Variants in SMYD3 observed in about 807,000 individuals in gnomAD.
SMYD3 encodes SET and MYND domain containing 3.
In SMYD3, 36 loss-of-function variants were observed where a neutral mutation model predicts 57.7. The observed-to-expected ratio is 0.62, with a 90% CI of 0.48 to 0.82. The LOEUF (loss-of-function observed/expected upper bound fraction) is 0.82, where lower values mean the gene tolerates loss of function less well. SMYD3 is among the 40% of genes least tolerant of loss of function. The pLI, the probability that SMYD3 is intolerant of heterozygous loss-of-function variation, is 0.00. For synonymous variants in SMYD3, 211 were observed against 195.0 expected, an observed-to-expected ratio of 1.08 and a Z score of -0.68; for missense variants, 515 against 538.8, an observed-to-expected ratio of 0.96 and a Z score of 0.44.
At chr1:246,506,606 G>A (rs995179470) in intron 1 of SMYD3, among the ~76,000 whole-genome samples, 3 of 152,140 alleles carry the variant, frequency 2.0e-5, no homozygotes, top group Non-Finnish European at 4.4e-5. Context: ...ATGCTTTACC[G>A]GCGGGGCCTC....
At chr1:246,466,612 C>A (rs1558478019) in intron 1 of SMYD3, among the ~76,000 whole-genome samples, 1 of 152,170 alleles carries the variant, frequency 6.6e-6, no homozygotes, top group Non-Finnish European at 1.5e-5. Flanking sequence ...ATAATCTATA[C>A]AACAAACCCA....
intron 1 of SMYD3, among the ~76,000 whole-genome samples, chr1:246,503,186 C>G (rs2068483532): frequency 6.6e-6 from 1 of 152,174 alleles, no homozygotes; most frequent in Admixed American, 6.5e-5. Flanking sequence ...CCTCTGTCCC[C>G]CCGCTGCCCA....
At chr1:246,210,245 C>T (rs888243013) in intron 5 of SMYD3, among the ~76,000 whole-genome samples, 1 of 152,142 alleles carries the variant, frequency 6.6e-6, no homozygotes, top group African/African-American at 2.4e-5. Flanking sequence ...CTCTCCATTA[C>T]ACCACCCTGC....
At chr1:246,249,025 G>A (rs1614456) in intron 5 of SMYD3, among the ~76,000 whole-genome samples, 8,987 of 151,520 alleles carry the variant, frequency 0.059, 436 homozygotes, top group African/African-American at 0.12. Context: ...AACAAGATGC[G>A]AAAACTACAA....
intron 5 of SMYD3, among the ~76,000 whole-genome samples, chr1:246,180,261 C>CTA (rs994975391): frequency 7.5e-6 from 1 of 132,594 alleles, no homozygotes; most frequent in South Asian, 2.4e-4. Flanking sequence ...TAATCTCTCT[C>CTA]TATATATATG....
intron 10 of SMYD3, among the ~76,000 whole-genome samples, chr1:245,810,259 A>G (rs1224168187): frequency 2.6e-5 from 4 of 152,186 alleles, no homozygotes; most frequent in African/African-American, 9.7e-5. Context: ...CACAGAACTC[A>G]GAACTAAGAG....
intron 10 of SMYD3, among the ~76,000 whole-genome samples, chr1:245,767,186 G>A (rs1459301475): frequency 2.0e-5 from 3 of 151,976 alleles, no homozygotes; most frequent in South Asian, 4.2e-4. Context: ...ACAAAAAGAC[G>A]GTCATCTTTT....
At chr1:246,080,209 G>A (rs968435726) in intron 5 of SMYD3, among the ~76,000 whole-genome samples, 1 of 132,704 alleles carries the variant, frequency 7.5e-6, no homozygotes, top group Non-Finnish European at 1.6e-5. Context: ...GTTAGGAACT[G>A]GGTCACACGG....
intron 5 of SMYD3, among the ~76,000 whole-genome samples, chr1:246,258,114 G>T (rs2063931567): frequency 6.6e-6 from 1 of 152,146 alleles, no homozygotes; most frequent in Admixed American, 6.5e-5. Context: ...TTGGCTCACT[G>T]CAACCTCTGC....
intron 10 of SMYD3, among the ~76,000 whole-genome samples, chr1:245,806,771 G>T (rs34222555): frequency 1.3e-5 from 2 of 151,162 alleles, no homozygotes; most frequent in East Asian, 1.9e-4. Flanking sequence ...TTAGCCGGGC[G>T]CGGTGGCGGG....
intron 1 of SMYD3, among the ~76,000 whole-genome samples, chr1:246,361,118 A>G (rs2065979444): frequency 6.6e-6 from 1 of 152,234 alleles, no homozygotes; most frequent in Non-Finnish European, 1.5e-5. Context: ...AAACAGTTCC[A>G]TCAAAAAGTG....
chr1:245,823,974 ACAG>A (rs1193562346), intron 10 of SMYD3, among the ~76,000 whole-genome samples: 1 of 152,196 alleles, frequency 6.6e-6, no homozygotes, highest in Non-Finnish European at 1.5e-5. Context: ...GGCCAGAATG[ACAG>A]CAGATGTCAG....
intron 5 of SMYD3, among the ~76,000 whole-genome samples, chr1:246,235,680 A>G (rs1222846468): frequency 1.3e-5 from 2 of 152,070 alleles, no homozygotes; most frequent in South Asian, 2.1e-4. Context: ...TAGAACCTCT[A>G]TTTGAATTTT....
chr1:246,445,989 G>A (rs960620606), intron 1 of SMYD3, among the ~76,000 whole-genome samples: 9 of 152,080 alleles, frequency 5.9e-5, no homozygotes, highest in Non-Finnish European at 1.3e-4. Flanking sequence ...CACACACCAA[G>A]TTCATGCAAA....
At chr1:246,435,200 T>C (rs2067353206) in intron 1 of SMYD3, among the ~76,000 whole-genome samples, 1 of 152,140 alleles carries the variant, frequency 6.6e-6, no homozygotes, top group Admixed American at 6.5e-5. Context: ...ATTGAAAAAT[T>C]ATTGGGTACT....
Position 245,751,594 on chromosome 1 carries a change from AAGAG to A in SMYD3, c.1186-1934_1186-1931del, listed in dbSNP as rs1350148912. Among the ~76,000 whole-genome samples the A allele has an allele frequency of 3.5e-4, 25 of 72,422 alleles. No individual in the cohort carries two copies. In the East Asian group the frequency reaches 7.0e-3, roughly 20 times the overall value. 47.5% of individuals were successfully genotyped at this position (72,422 alleles called of 152,430 possible). On this transcript the variant is annotated intron_variant, in intron 11 of 11. Coordinates refer to ENST00000490107, the MANE Select transcript of SMYD3 (RefSeq NM_001167740.2). ...AGAAAGAGAAAGAGAGAGAGAGAGA[AAGAG>A]AGAGAGAGAAAGAGAGAGAGAAAAA...
At chr1:246,037,080 A>G (rs1377548404) in intron 5 of SMYD3, among the ~76,000 whole-genome samples, 1 of 152,134 alleles carries the variant, frequency 6.6e-6, no homozygotes, top group East Asian at 1.9e-4. Context: ...TTGTATTCCT[A>G]TTACAAACAA....
chr1:246,122,410 G>C (rs937730333), intron 5 of SMYD3, among the ~76,000 whole-genome samples: 1 of 152,166 alleles, frequency 6.6e-6, no homozygotes, highest in Admixed American at 6.5e-5. Context: ...CAAAGAGAGT[G>C]CTGTTTCTCA....
intron 11 of SMYD3, among the ~76,000 whole-genome samples, chr1:245,752,889 G>C (rs2045450424): frequency 1.3e-5 from 2 of 152,162 alleles, no homozygotes; most frequent in African/African-American, 4.8e-5. Context: ...GTTAGACTAA[G>C]GATGACCTCT....
Sources: gnomAD v4.1 joint callset for allele counts (sites outside exome capture counted in the v4.1 genomes callset) on GRCh38, gnomAD v4.1.1 for gene constraint, MANE v1.5 for transcripts, NCBI Gene and HGNC (gene_info 2026-07-23, HGNC 2026-07-21) for gene names.